RNF14: variants seen among roughly 807,000 people sequenced by gnomAD.
RNF14 encodes E3 ubiquitin-protein ligase RNF14.
Under a neutral mutation model 52.6 loss-of-function variants are expected in RNF14, and 26 were observed. The ratio of observed to expected loss-of-function variants is 0.49; its 90% CI spans 0.36 to 0.69. The LOEUF (loss-of-function observed/expected upper bound fraction) is 0.69, where lower values mean the gene tolerates loss of function less well. RNF14 is among the 30% of genes least tolerant of loss of function. RNF14 has a pLI of 0.00. For missense variants in RNF14, 404 were observed against 560.4 expected, an observed-to-expected ratio of 0.72 and a Z score of 2.82; for synonymous variants, 194 against 202.0, an observed-to-expected ratio of 0.96 and a Z score of 0.34.
chr5:141,963,441 G>GA (rs1036321987), upstream of RNF14, among the ~76,000 whole-genome samples: 5 of 145,220 alleles, frequency 3.4e-5, no homozygotes, highest in Admixed American at 2.1e-4. Context: ...TTAGTAAACA[G>GA]AAAAAAAAAT....
chr5:141,956,330 C>T, upstream of RNF14: 1 of 1,614,210 alleles, frequency 6.2e-7, no homozygotes, highest in Non-Finnish European at 8.5e-7. Flanking sequence ...TCAATAGCTA[C>T]TAAGTGAGCA....
upstream of RNF14, chr5:141,957,946 G>A (rs1393696254): frequency 2.2e-5 from 31 of 1,421,260 alleles, no homozygotes; most frequent in East Asian, 5.5e-4. The surrounding 1 kb of genome is among the most constrained non-coding windows in gnomAD (Gnocchi z 4.3). Context: ...GATCAGCCCC[G>A]TGCTCCTTCC....
At chr5:141,964,234 A>G (rs371689434), upstream of RNF14, among the ~76,000 whole-genome samples, 4 of 152,314 alleles carry the variant, frequency 2.6e-5, no homozygotes, top group East Asian at 7.7e-4. Context: ...CTGGTCACGC[A>G]GGTAATCTGG....
At position 141,978,620 on chromosome 5, in the gene RNF14, G is replaced by A. The variant is rs1754470860; in HGVS notation, c.624G>A (p.Gln208=). Residue 208 remains glutamine, a synonymous_variant, in exon 5 of 9, where the codon CAG becomes CAA. Transcript: ENST00000394520. ...AAATCTTGGACTTTGATCAAGCTCA[G>A]CAGATAAAATGCTTTAATAGTAAAT... ...IQEILDFDQA[Q]QIKCFNSKLF... 1 of 1,613,904 alleles carries A rather than the reference G, an allele frequency of 6.2e-7. No homozygotes were observed. The highest frequency in any genetic ancestry group is 1.3e-5 in the African/African-American group (1 of 74,936).
intron 5 of RNF14, among the ~76,000 whole-genome samples, chr5:141,979,214 G>A (rs1381777764): frequency 6.7e-6 from 1 of 150,182 alleles, no homozygotes; most frequent in Admixed American, 6.6e-5. Flanking sequence ...CAGAAGTACA[G>A]CCTACTTAGG....
upstream of RNF14, among the ~76,000 whole-genome samples, chr5:141,965,434 G>C (rs1010710473): frequency 7.9e-5 from 12 of 152,204 alleles, no homozygotes; most frequent in Non-Finnish European, 1.5e-4. Context: ...GGGACAGGGG[G>C]TGGGAGTTGG....
At chr5:141,962,495 A>G (rs1753282304), upstream of RNF14, among the ~76,000 whole-genome samples, 1 of 152,122 alleles carries the variant, frequency 6.6e-6, no homozygotes, top group African/African-American at 2.4e-5. Flanking sequence ...GGGTTGGGGA[A>G]TTTGATTGGA....
intron 8 of RNF14, 25 bp from the exon 9 acceptor site, chr5:141,987,708 A>C (rs1427413624): frequency 6.2e-7 from 1 of 1,612,774 alleles, no homozygotes; most frequent in Non-Finnish European, 8.5e-7. Context: ...AGTGTATAAA[A>C]ATGTACCTTT....
Position 141,985,568 on chromosome 5 carries a change from T to G in RNF14, c.1367+635T>G, listed in dbSNP as rs536855209. ...TGTTTTGTGAACATTCACTTTTTTTTTTGTTGAGTCAGAGTCTCGCTCTGT... is the reference window on the plus strand; with the variant it reads ...TGTTTTGTGAACATTCACTTTTTTTGTTGTTGAGTCAGAGTCTCGCTCTGT... On this transcript the variant is annotated intron_variant, in intron 8 of 8. Coordinates refer to ENST00000394520, the MANE Select transcript of RNF14 (RefSeq NM_004290.5). 4.6e-5 allele frequency among the ~76,000 whole-genome samples: 7 copies of G among 152,322 alleles called. No individual in the cohort carries two copies. In the South Asian group the frequency reaches 1.0e-3, roughly 23 times the overall value.
upstream of RNF14, among the ~76,000 whole-genome samples, chr5:141,965,682 A>G (rs1294992518): frequency 6.6e-6 from 1 of 152,162 alleles, no homozygotes; most frequent in Non-Finnish European, 1.5e-5. Flanking sequence ...TAGTGCCTCC[A>G]TCATCTTTAG....
intron 4 of RNF14, among the ~76,000 whole-genome samples, chr5:141,977,606 T>C (rs1238785279): frequency 6.6e-6 from 1 of 152,242 alleles, no homozygotes; most frequent in East Asian, 1.9e-4. Context: ...GCTTAGGAAG[T>C]GTAAGCTTTC....
At chr5:141,975,026 C>T in intron 4 of RNF14, 71 bp downstream of exon 4, 1 of 1,487,980 alleles carries the variant, frequency 6.7e-7, no homozygotes, top group South Asian at 1.2e-5. Flanking sequence ...TGAAGACTAT[C>T]TTAAAGATCT....
At chr5:141,963,120 C>T (rs1753288127), upstream of RNF14, 1 of 152,328 alleles carries the variant, frequency 6.6e-6, no homozygotes, top group African/African-American at 2.4e-5. Flanking sequence ...TCTGCAGACT[C>T]CTCTATCTGC....
intron 1 of RNF14, chr5:141,969,631 A>G (rs164496): frequency 0.61 from 92,693 of 152,194 alleles, 29,684 homozygotes; most frequent in East Asian, 0.98. Context: ...CTGGATTCCA[A>G]GTGACAGCTT....
chr5:141,969,283 G>A (rs770025661), intron 1 of RNF14, 116 bp downstream of exon 1: 2 of 152,720 alleles, frequency 1.3e-5, no homozygotes, highest in Non-Finnish European at 2.9e-5. Flanking sequence ...AAGGGGACCG[G>A]GCTGGGACTG....
chr5:141,981,037 C>T (rs1264126723), intron 6 of RNF14, among the ~76,000 whole-genome samples: 2 of 152,186 alleles, frequency 1.3e-5, no homozygotes, highest in Admixed American at 6.5e-5. Context: ...AAATCAGGCC[C>T]TTAACGTCGA....
chr5:141,987,386 A>C (rs1242019236), intron 8 of RNF14, among the ~76,000 whole-genome samples: 1 of 152,150 alleles, frequency 6.6e-6, no homozygotes, highest in South Asian at 2.1e-4. Context: ...TTTGTCCCAT[A>C]TCATTGCTGG....
Position 141,978,348 on chromosome 5 carries a change from C to T in RNF14, c.352C>T (p.Arg118Cys), listed in dbSNP as rs139883863. ...CTTAGACAACCTATGGGAAGAACACCGTGGCAGCGTGGTCCTGTTTGCCTG... is the reference window on the plus strand; with the variant it reads ...CTTAGACAACCTATGGGAAGAACACTGTGGCAGCGTGGTCCTGTTTGCCTG... ...KHLDNLWEEH[R>C]GSVVLFAWMQ... Residue 118 changes from arginine to cysteine, a missense_variant, in exon 5 of 9, where the codon CGT becomes TGT. By Grantham distance (180) the Arg-to-Cys change is radical. Coordinates refer to ENST00000394520, the MANE Select transcript of RNF14 (RefSeq NM_004290.5). The T allele has an allele frequency of 1.3e-5, 21 of 1,613,110 alleles. No homozygotes were observed. Among genetic ancestry groups the T allele is most frequent in the Middle Eastern group, 1.7e-4 (1 of 6,060 alleles).
chr5:141,972,673 CT>C (rs1753887473), intron 2 of RNF14, among the ~76,000 whole-genome samples: 1 of 152,132 alleles, frequency 6.6e-6, no homozygotes. Context: ...TCACTGCAAC[CT>C]CTGCCTCCCA....
Sources: allele counts gnomAD v4.1 joint callset (sites outside exome capture counted in the v4.1 genomes callset), GRCh38; gene constraint gnomAD v4.1.1; non-coding constraint Gnocchi (gnomAD v3.1); transcripts MANE v1.5; gene names NCBI Gene and HGNC (gene_info 2026-07-23, HGNC 2026-07-21).